The following LRRK2 variants were observed in gnomAD, a reference collection of about 807,000 sequenced individuals.
LRRK2 encodes leucine rich repeat kinase 2, also known as leucine-rich repeat serine/threonine-protein kinase 2.
A neutral mutation model predicts 302.6 loss-of-function variants in LRRK2; 203 were observed. That is an observed-to-expected ratio of 0.67 (90% confidence interval 0.60 to 0.75). The LOEUF (loss-of-function observed/expected upper bound fraction) is 0.75. Ranked by LOEUF, LRRK2 falls within the 30% of genes least tolerant of loss-of-function variation. LRRK2 has a pLI of 0.00. For missense variants in LRRK2, 2,830 were observed against 2,951.0 expected, an observed-to-expected ratio of 0.96 and a Z score of 0.95; for synonymous variants, 1,066 against 1,031.9, an observed-to-expected ratio of 1.03 and a Z score of -0.63.
In LRRK2 at chr12:40,353,068, G is replaced by A. The variant is rs1020170846; in HGVS notation, c.6577-1231G>A. Among the ~76,000 whole-genome samples, 16 of 149,924 alleles carry A rather than the reference G, an allele frequency of 1.1e-4. No individual in the cohort carries two copies. The South Asian group carries it at 1.3e-3, about 12-fold the overall frequency. On this transcript the variant is annotated intron_variant, in intron 44 of 50. Transcript: ENST00000298910. ...GAGGCGCCCCCCACCTCCCAGACGG[G>A]GCGGCGGCCGGGCGGGGGCTGCCCC... is the stretch of plus-strand genomic sequence containing the variant.
At chr12:40,283,280 C>T (rs140237312) in intron 18 of LRRK2, among the ~76,000 whole-genome samples, 306 of 152,260 alleles carry the variant, frequency 2.0e-3, no homozygotes, top group African/African-American at 6.7e-3. Flanking sequence ...CCACCCTGAA[C>T]ACATGCTCTG....
At chr12:40,301,949 C>T (rs529546711) in intron 25 of LRRK2, among the ~76,000 whole-genome samples, 70 of 152,150 alleles carry the variant, frequency 4.6e-4, no homozygotes, top group Non-Finnish European at 8.8e-4. Flanking sequence ...GAGGCCGGGG[C>T]GGGCAGATCA....
At chr12:40,230,247 C>G (rs565910976) in intron 2 of LRRK2, among the ~76,000 whole-genome samples, 1 of 151,924 alleles carries the variant, frequency 6.6e-6, no homozygotes, top group Non-Finnish European at 1.5e-5. Context: ...GGAAAAGATC[C>G]AAAAGTAATA....
chr12:40,361,648 C>T (rs1363785972), intron 47 of LRRK2, among the ~76,000 whole-genome samples: 1 of 152,032 alleles, frequency 6.6e-6, no homozygotes, highest in East Asian at 1.9e-4. Context: ...AGATTTGGAG[C>T]ATAGATGCTT....
In LRRK2 at chr12:40,304,019, A is replaced by T; in HGVS notation, c.3662A>T (p.Asn1221Ile). 1.2e-6 allele frequency: 2 copies of T among 1,613,778 alleles called. No homozygotes were observed. Among genetic ancestry groups the T allele is most frequent in the Non-Finnish European group, 1.7e-6 (2 of 1,179,772 alleles). Reference sequence around the variant, plus strand: ...GGTCCCGCACACTGGAAATCTTTGAACTTAAGGGAACTCTTATTTAGCCAT... The same window carrying T: ...GGTCCCGCACACTGGAAATCTTTGATCTTAAGGGAACTCTTATTTAGCCAT... ...LPGPAHWKSL[N>I]LRELLFSHNQ... Residue 1221 changes from asparagine (N) to isoleucine (I), a missense_variant, in exon 27 of 51, where the codon AAC (asparagine) becomes ATC (isoleucine). Coordinates refer to ENST00000298910, the MANE Select transcript of LRRK2 (RefSeq NM_198578.4).
chr12:40,305,640 C>G, intron 27 of LRRK2, 145 bp from the exon 28 acceptor site: 2 of 754,558 alleles, frequency 2.7e-6, no homozygotes, highest in Non-Finnish European at 2.3e-6. Context: ...TATGACAAAC[C>G]TTTGGAAAGT....
At chr12:40,297,523 C>G (rs1245763975) in intron 23 of LRRK2, among the ~76,000 whole-genome samples, 1 of 152,080 alleles carries the variant, frequency 6.6e-6, no homozygotes, top group Non-Finnish European at 1.5e-5. Flanking sequence ...GAAACAACTT[C>G]TGGGGCTAAG....
intron 18 of LRRK2, among the ~76,000 whole-genome samples, chr12:40,281,830 G>T (rs142403678): frequency 9.2e-5 from 14 of 152,180 alleles, no homozygotes; most frequent in Non-Finnish European, 1.9e-4. Context: ...AATTAATAGA[G>T]AATATAAAAT....
At chr12:40,225,794 A>G (rs1488847321) in intron 2 of LRRK2, among the ~76,000 whole-genome samples, 154 bp downstream of exon 2, 1 of 152,172 alleles carries the variant, frequency 6.6e-6, no homozygotes, top group African/African-American at 2.4e-5. Context: ...ATATTGTTAA[A>G]TCATTACGCA....
chr12:40,275,277 G>A (rs773774998), intron 16 of LRRK2, among the ~76,000 whole-genome samples: 21 of 152,032 alleles, frequency 1.4e-4, no homozygotes, highest in Non-Finnish European at 2.6e-4. Flanking sequence ...GAGTTTATTC[G>A]CTTAGATTTT....
At chr12:40,330,703 T>A (rs956677899) in intron 39 of LRRK2, among the ~76,000 whole-genome samples, 2 of 152,188 alleles carry the variant, frequency 1.3e-5, no homozygotes, top group Non-Finnish European at 2.9e-5. Context: ...AGGCTCTGCT[T>A]CTCTGGAGCC....
chr12:40,244,266 C>T (rs1187701712), intron 7 of LRRK2, among the ~76,000 whole-genome samples: 2 of 152,232 alleles, frequency 1.3e-5, no homozygotes, highest in Non-Finnish European at 2.9e-5. Context: ...TTTGCTTCAT[C>T]AAAATGTAAT....
chr12:40,304,093 A>G lies in LRRK2; in HGVS notation c.3736A>G (p.Arg1246Gly). 6.2e-7 allele frequency: 1 copy of G among 1,613,560 alleles called. No homozygotes were observed. The highest frequency in any genetic ancestry group is 1.1e-5 in the South Asian group (1 of 91,026). Residue 1246 changes from arginine (R) to glycine (G), a missense_variant, in exon 27 of 51, where the codon AGA becomes GGA. Physicochemically the swap from Arg to Gly is moderately radical, Grantham distance 125. Around this residue, in one of 3 missense-constraint regions of LRRK2, gnomAD observed 2,121 missense variants for 2,148.0 expected, o/e 0.99. Coordinates refer to ENST00000298910, the MANE Select transcript of LRRK2 (RefSeq NM_198578.4). The part of the protein sequence containing the change: ...DLSEKAYLWS[R>G]VEKLHLSHNK... Reference sequence around the variant, plus strand: ...GAGTGAAAAAGCATATTTATGGTCTAGAGTAGAGAAACTGCATCTTTCTCA... The same window carrying G: ...GAGTGAAAAAGCATATTTATGGTCTGGAGTAGAGAAACTGCATCTTTCTCA...
At chr12:40,324,352 A>G (rs1031078451) in intron 38 of LRRK2, among the ~76,000 whole-genome samples, 1 of 152,202 alleles carries the variant, frequency 6.6e-6, no homozygotes, top group African/African-American at 2.4e-5. Context: ...ATTATCTCAA[A>G]TATTTATGTG....
intron 12 of LRRK2, among the ~76,000 whole-genome samples, chr12:40,257,954 AG>A (rs991811939): frequency 6.6e-6 from 1 of 151,994 alleles, no homozygotes; most frequent in African/African-American, 2.4e-5. Flanking sequence ...GAGGGGTGGT[AG>A]GTGTGGGCAG....
intron 7 of LRRK2, among the ~76,000 whole-genome samples, chr12:40,246,234 ATATACT>A (rs1251346974): frequency 3.3e-5 from 5 of 151,872 alleles, no homozygotes; most frequent in Non-Finnish European, 7.4e-5. Flanking sequence ...ATTTTATCAA[ATATACT>A]TAAAATGTAG....
At position 40,351,710 on chromosome 12, in the gene LRRK2, A is replaced by C; in HGVS notation, c.6553A>C (p.Asn2185His). The change falls in exon 44 of 51, where the codon AAT becomes CAT. Residue 2185 changes from asparagine to histidine, a missense_variant. Physicochemically the swap from Asn to His is moderately conservative, Grantham distance 68 (BLOSUM62 1). Transcript: ENST00000298910. ...AGGACAGCTCTCATTTCTTGACTTA[A>C]ATACTGAAGGATACACTTCTGAGGT... ...DRGQLSFLDL[N>H]TEGYTSEEVA... 1 of 1,614,198 alleles carries C rather than the reference A, an allele frequency of 6.2e-7. No individual in the cohort carries two copies. The highest frequency in any genetic ancestry group is 8.5e-7 in the Non-Finnish European group (1 of 1,180,022).
At chr12:40,240,435 T>G in intron 5 of LRRK2, 48 bp from the exon 6 acceptor site, 2 of 1,556,176 alleles carry the variant, frequency 1.3e-6, no homozygotes, top group Non-Finnish European at 1.8e-6. Flanking sequence ...TAATTAAACT[T>G]TCATATCATC....
In LRRK2 at chr12:40,251,299, G is replaced by A. The variant is rs201322917; in HGVS notation, c.1026G>A (p.Gly342=). Residue 342 remains glycine (G), a synonymous_variant, in exon 9 of 51, where the codon GGG becomes GGA. Transcript: ENST00000298910. ...AGAATCAAGAGAATGATGATGAGGGGGAAGAAGATAAATTGTTTTGGCTGG... is the reference window on the plus strand; with the variant it reads ...AGAATCAAGAGAATGATGATGAGGGAGAAGAAGATAAATTGTTTTGGCTGG... ...KNENQENDDE[G]EEDKLFWLEA... The A allele has an allele frequency of 4.3e-6, 7 of 1,612,410 alleles. No homozygotes were observed. Among genetic ancestry groups the A allele is most frequent in the Non-Finnish European group, 5.9e-6 (7 of 1,179,040 alleles).
Sources: gnomAD v4.1 joint callset for allele counts (sites outside exome capture counted in the v4.1 genomes callset) on GRCh38, gnomAD v4.1.1 for gene constraint, gnomAD v4.1.1 regional missense constraint, MANE v1.5 for transcripts, NCBI Gene and HGNC (gene_info 2026-07-23, HGNC 2026-07-21) for gene names.